CDH10: variants seen among roughly 807,000 people sequenced by gnomAD.
CDH10 encodes cadherin-10.
In CDH10, 30 loss-of-function variants were observed where a neutral mutation model predicts 73.1. The observed-to-expected ratio is 0.41, with a 90% CI of 0.31 to 0.56. The LOEUF (loss-of-function observed/expected upper bound fraction) is 0.56, where lower values mean the gene tolerates loss of function less well. Ranked by LOEUF, CDH10 falls within the 20% of genes least tolerant of loss-of-function variation. The pLI is 0.27. For synonymous variants in CDH10, 345 were observed against 348.2 expected (o/e 0.99, Z 0.10); for missense variants, 815 against 973.7 (o/e 0.84, Z 2.17).
chr5:24,604,871 T>TCAAAAAA (rs1453322652), intron 1 of CDH10, among the ~76,000 whole-genome samples: 16 of 116,286 alleles, frequency 1.4e-4, no homozygotes, highest in African/African-American at 5.4e-4. Flanking sequence ...AAGATGTCTC[T>TCAAAAAA]AAAAAAAAAA....
At chr5:24,505,317 T>C in intron 7 of CDH10, 69 bp from the exon 8 acceptor site, 6 of 1,216,052 alleles carry the variant, frequency 4.9e-6, no homozygotes, top group Non-Finnish European at 7.3e-6. Flanking sequence ...AATAGTGAAA[T>C]GCAAACCCAC....
At chr5:24,545,875 G>A (rs1172831018) in intron 2 of CDH10, among the ~76,000 whole-genome samples, 1 of 152,140 alleles carries the variant, frequency 6.6e-6, no homozygotes, top group East Asian at 1.9e-4. Flanking sequence ...AGAAGTGATA[G>A]AAATTCAAAG....
In CDH10 at chr5:24,488,143, T is replaced by C; in HGVS notation, c.1887A>G (p.Val629=). The C allele has an allele frequency of 1.9e-6, 3 of 1,605,964 alleles. No individual in the cohort carries two copies. Among genetic ancestry groups the C allele is most frequent in the Non-Finnish European group, 2.5e-6 (3 of 1,177,072 alleles). Residue 629 remains valine, a synonymous_variant, in exon 12 of 12, where the codon GTA becomes GTG. Coordinates refer to ENST00000264463, the MANE Select transcript of CDH10 (RefSeq NM_006727.5). ...LCIIILLVIV[V]LFAALKRQRK... is the part of the protein sequence containing the mutation. ...GCTGTCTTTTCAGAGCTGCAAACAG[T>C]ACTACTATAACTTGAAAAAAGACAA...
rs115979231 is a variant in CDH10, at chr5:24,516,679, C to T, written c.815-5165G>A. Among the ~76,000 whole-genome samples, 759 of 151,706 alleles carry T rather than the reference C, an allele frequency of 5.0e-3. 11 individuals carry two copies. The highest frequency in any genetic ancestry group is 0.017 in the African/African-American group (717 of 41,406). ...TTCTGCAAATCCTTCTAGATTCAGCCATTGGATGATTTTTTTAGGTTGGCT... is the reference window on the plus strand; with the variant it reads ...TTCTGCAAATCCTTCTAGATTCAGCTATTGGATGATTTTTTTAGGTTGGCT... On this transcript the variant is annotated intron_variant, in intron 5 of 11. Coordinates refer to ENST00000264463, the MANE Select transcript of CDH10 (RefSeq NM_006727.5).
intron 1 of CDH10, among the ~76,000 whole-genome samples, chr5:24,601,658 T>C (rs1746568735): frequency 6.6e-6 from 1 of 152,132 alleles, no homozygotes; most frequent in Non-Finnish European, 1.5e-5. Context: ...TGCAAACATA[T>C]CATTGATATG....
At chr5:24,588,814 A>C (rs1746103105) in intron 2 of CDH10, among the ~76,000 whole-genome samples, 1 of 152,224 alleles carries the variant, frequency 6.6e-6, no homozygotes, top group Admixed American at 6.5e-5. Flanking sequence ...GGTATTTCAC[A>C]GCAAAAATAC....
intron 1 of CDH10, among the ~76,000 whole-genome samples, chr5:24,617,541 A>G (rs1235310399): frequency 6.6e-6 from 1 of 152,210 alleles, no homozygotes; most frequent in Non-Finnish European, 1.5e-5. Context: ...GCCAATATAA[A>G]TTCTAAATGA....
intron 2 of CDH10, among the ~76,000 whole-genome samples, chr5:24,546,379 G>T (rs1233580461): frequency 6.6e-6 from 1 of 152,044 alleles, no homozygotes; most frequent in Non-Finnish European, 1.5e-5. Flanking sequence ...AAGGAAAAGG[G>T]ATTGCTCGAT....
chr5:24,588,326 A>T (rs911625845), intron 2 of CDH10, among the ~76,000 whole-genome samples: 2 of 152,182 alleles, frequency 1.3e-5, no homozygotes, highest in African/African-American at 4.8e-5. Context: ...ATATCCCTGT[A>T]TCCCCTACCC....
At chr5:24,634,413 C>G (rs1262428407) in intron 1 of CDH10, among the ~76,000 whole-genome samples, 1 of 151,520 alleles carries the variant, frequency 6.6e-6, no homozygotes, top group Admixed American at 6.6e-5. Flanking sequence ...ATCAATTATA[C>G]TAAATGTAAA....
chr5:24,596,717 A>T (rs1296311330), intron 1 of CDH10, among the ~76,000 whole-genome samples: 3 of 151,914 alleles, frequency 2.0e-5, no homozygotes, highest in African/African-American at 7.2e-5. Flanking sequence ...CTATCTCCCC[A>T]CTAATAGACA....
chr5:24,525,277 C>A (rs1452948184), intron 5 of CDH10, among the ~76,000 whole-genome samples: 1 of 152,060 alleles, frequency 6.6e-6, no homozygotes, highest in Non-Finnish European at 1.5e-5. Flanking sequence ...TCTCTACCCT[C>A]ATTGCTACTC....
At chr5:24,605,167 C>T (rs1241027802) in intron 1 of CDH10, among the ~76,000 whole-genome samples, 1 of 152,112 alleles carries the variant, frequency 6.6e-6, no homozygotes, top group African/African-American at 2.4e-5. Context: ...ATGCACACCA[C>T]TACATTAAAT....
chr5:24,628,845 G>GACAC (rs71698746), intron 1 of CDH10, among the ~76,000 whole-genome samples: 2,211 of 127,266 alleles, frequency 0.017, 50 homozygotes, highest in African/African-American at 0.049. Context: ...TCCCCACCTT[G>GACAC]ACACACACAC....
At chr5:24,604,896 C>CAAAAAAAA (rs1303421458) in intron 1 of CDH10, among the ~76,000 whole-genome samples, 1 of 131,378 alleles carries the variant, frequency 7.6e-6, no homozygotes, top group African/African-American at 3.3e-5. Flanking sequence ...AAAAAAAAAA[C>CAAAAAAAA]AAAAACAAAC....
At chr5:24,571,976 A>AC (rs1745400422) in intron 2 of CDH10, among the ~76,000 whole-genome samples, 1 of 152,004 alleles carries the variant, frequency 6.6e-6, no homozygotes, top group Non-Finnish European at 1.5e-5. Flanking sequence ...CTACAAATAA[A>AC]AAAAAAAAAT....
intron 1 of CDH10, among the ~76,000 whole-genome samples, chr5:24,630,814 C>T (rs1747679469): frequency 6.6e-6 from 1 of 152,024 alleles, no homozygotes; most frequent in African/African-American, 2.4e-5. Flanking sequence ...AAAAAATTGA[C>T]TATTACCTAG....
chr5:24,642,566 C>A (rs890591377), intron 1 of CDH10, among the ~76,000 whole-genome samples: 14 of 151,812 alleles, frequency 9.2e-5, no homozygotes, highest in Non-Finnish European at 1.8e-4. Context: ...CTCTCTTTTT[C>A]TTTTTTAAAG....
intron 1 of CDH10, among the ~76,000 whole-genome samples, chr5:24,631,316 G>C (rs886409731): frequency 6.6e-6 from 1 of 152,058 alleles, no homozygotes; most frequent in African/African-American, 2.4e-5. Context: ...AGTCATTTGA[G>C]GGCAGGAGGT....
Sources: allele counts gnomAD v4.1 joint callset (sites outside exome capture counted in the v4.1 genomes callset), GRCh38; gene constraint gnomAD v4.1.1; transcripts MANE v1.5; gene names NCBI Gene and HGNC (gene_info 2026-07-23, HGNC 2026-07-21).